ACAD9: variants seen among roughly 807,000 people sequenced by gnomAD.
ACAD9 encodes acyl-CoA dehydrogenase family member 9.
Under a neutral mutation model 70.2 loss-of-function variants are expected in ACAD9, and 53 were observed. The ratio of observed to expected loss-of-function variants is 0.75; its 90% confidence interval spans 0.61 to 0.95. The LOEUF (loss-of-function observed/expected upper bound fraction) is 0.95, where lower values mean the gene tolerates loss of function less well. ACAD9 is among the 40% of genes least tolerant of loss of function. The pLI, the probability that ACAD9 is intolerant of heterozygous loss-of-function variation, is 0.00. For missense variants in ACAD9, 777 were observed against 802.8 expected (o/e 0.97, Z 0.39); for synonymous variants, 313 against 312.1 (o/e 1.00, Z -0.03).
chr3:128,881,033 A>T (rs1299016866), intron 1 of ACAD9, among the ~76,000 whole-genome samples: 1 of 152,210 alleles, frequency 6.6e-6, no homozygotes, highest in African/African-American at 2.4e-5. Flanking sequence ...CCTGTATCAC[A>T]GAAGTTATTC....
intron 7 of ACAD9, among the ~76,000 whole-genome samples, chr3:128,900,473 C>G (rs933312654): frequency 6.6e-6 from 1 of 151,590 alleles, no homozygotes; most frequent in Non-Finnish European, 1.5e-5. Context: ...CTCCTGACCT[C>G]GTGATCCGCT....
Position 128,912,987 on chromosome 3 carries a change from C to T in ACAD9, c.*380C>T. On this transcript the variant is annotated 3_prime_UTR_variant, in exon 18 of 18. Coordinates refer to ENST00000308982, the MANE Select transcript of ACAD9 (RefSeq NM_014049.5). ...GGATAGCCATTTCTGCTCAACCACA[C>T]ATTCTCTAAGAAACAGCTTGAAAGC... is the stretch of plus-strand genomic sequence containing the variant. 1 of 467,408 alleles carries T rather than the reference C, an allele frequency of 2.1e-6. No homozygotes were observed. The highest frequency in any genetic ancestry group is 1.5e-5 in the South Asian group (1 of 64,790). The allele number at this position is 467,408 out of a possible 1,614,324, so 29.0% of individuals were successfully genotyped here. A position where few individuals can be genotyped will look rare whatever the true frequency, so the allele number is the denominator to read the frequency against.
chr3:128,899,183 G>T (rs1576340517), intron 6 of ACAD9, 104 bp from the exon 7 acceptor site: 1 of 1,239,116 alleles, frequency 8.1e-7, no homozygotes. Context: ...CTGCATGTCT[G>T]GCCTGAGGTC....
rs780988282 is a variant in ACAD9, at chr3:128,909,328, C to T, written c.1486-16C>T. 1.9e-6 allele frequency: 3 copies of T among 1,614,088 alleles called. No homozygotes were observed. The highest frequency in any genetic ancestry group is 2.5e-6 in the Non-Finnish European group (3 of 1,179,940). On this transcript the variant is annotated splice_polypyrimidine_tract_variant and intron_variant, in intron 14 of 17. Coordinates refer to ENST00000308982, the MANE Select transcript of ACAD9 (RefSeq NM_014049.5). ...TAGGGATGAGGTGCTGAACTGAGTC[C>T]TGTCTTGGTTAATAGGACAGTGCCA... is the stretch of plus-strand genomic sequence containing the variant.
At chr3:128,889,309 C>G (rs1265627967) in intron 2 of ACAD9, among the ~76,000 whole-genome samples, 1 of 152,094 alleles carries the variant, frequency 6.6e-6, no homozygotes, top group Non-Finnish European at 1.5e-5. Context: ...ACACCACGCC[C>G]GGCCTACTGT....
At position 128,903,989 on chromosome 3, in the gene ACAD9, T is replaced by G. The variant is rs1028295054; in HGVS notation, c.959-73T>G. 14 of 1,506,578 alleles carry G rather than the reference T, an allele frequency of 9.3e-6. No individual in the cohort carries two copies. The African/African-American group carries it at 1.7e-4, about 18-fold the overall frequency. The allele number at this position is 1,506,578 out of a possible 1,614,324, so 93.3% of individuals were successfully genotyped here. A position where few individuals can be genotyped will look rare whatever the true frequency, so the allele number is the denominator to read the frequency against. On this transcript the variant is annotated intron_variant, in intron 9 of 17. Transcript: ENST00000308982. ...TGCCCACCTGTGGGAAGGGTAAGGA[T>G]GATGGCCATAGGAAATCATGTTTGA... is the stretch of plus-strand genomic sequence containing the variant.
rs78910289 is a variant in ACAD9, at chr3:128,890,940, C to G, written c.245-2615C>G. ...CACTACAACCTCTGCCTCCCAGGTT[C>G]AAGCGATTCTCCTGCCTCAGCCTCC... On this transcript the variant is annotated intron_variant, in intron 2 of 17. Transcript: ENST00000308982. 5.3e-5 allele frequency among the ~76,000 whole-genome samples: 8 copies of G among 151,116 alleles called. No individual in the cohort carries two copies. The East Asian group carries it at 1.6e-3, about 30-fold the overall frequency.
At chr3:128,903,349 G>A (rs1405592663) in intron 9 of ACAD9, among the ~76,000 whole-genome samples, 1 of 152,188 alleles carries the variant, frequency 6.6e-6, no homozygotes, top group Admixed American at 6.5e-5. Flanking sequence ...TCCAGACTGT[G>A]CTCCTGGACC....
chr3:128,880,135 C>T, intron 1 of ACAD9: 1 of 901,660 alleles, frequency 1.1e-6, no homozygotes, highest in Non-Finnish European at 1.6e-6. Flanking sequence ...CAGCCTTCAT[C>T]TCAGCTGGTC....
At position 128,906,138 on chromosome 3, in the gene ACAD9, C is replaced by T. The variant is rs747622493; in HGVS notation, c.1167C>T (p.Ala389=). 1.4e-5 allele frequency: 22 copies of T among 1,614,078 alleles called. No homozygotes were observed. Among genetic ancestry groups the T allele is most frequent in the African/African-American group, 4.0e-5 (3 of 74,932 alleles). The change falls in exon 12 of 18, where the codon GCC becomes GCT. Residue 389 remains alanine, a synonymous_variant. Transcript: ENST00000308982. ...CCCCACAGGTGTTCAGCTCCGAGGC[C>T]GCCTGGCAGTGTGTGAGTGAGGCGC... is the stretch of plus-strand genomic sequence containing the variant. ...AAMVKVFSSE[A]AWQCVSEALQ...
intron 11 of ACAD9, among the ~76,000 whole-genome samples, chr3:128,905,542 C>T (rs1935862973): frequency 6.6e-6 from 1 of 152,164 alleles, no homozygotes; most frequent in South Asian, 2.1e-4. Context: ...CCTGAAGTGG[C>T]AAGGTCCCTA....
Position 128,899,315 on chromosome 3 carries a change from A to G in ACAD9, c.662A>G (p.Asn221Ser), listed in dbSNP as rs761452056. Reference sequence around the variant, plus strand: ...TGGATTACTAATGGAGGACTGGCCAATATTTTTACTGTGTTTGCAAAGACT... The same window carrying G: ...TGGATTACTAATGGAGGACTGGCCAGTATTTTTACTGTGTTTGCAAAGACT... ...KVWITNGGLA[N>S]IFTVFAKTEV... is the part of the protein sequence containing the mutation. The change falls in exon 7 of 18, where the codon AAT becomes AGT. Residue 221 changes from asparagine to serine, a missense_variant. Transcript: ENST00000308982. 9.4e-5 allele frequency: 151 copies of G among 1,614,120 alleles called. No individual in the cohort carries two copies. Among genetic ancestry groups the G allele is most frequent in the Middle Eastern group, 1.6e-4 (1 of 6,084 alleles).
intron 6 of ACAD9, among the ~76,000 whole-genome samples, chr3:128,898,088 C>T (rs1268309832): frequency 6.6e-6 from 1 of 152,182 alleles, no homozygotes; most frequent in Admixed American, 6.5e-5. Flanking sequence ...AACTCCTGAC[C>T]TCAAGTGATC....
rs140003158 is a variant in ACAD9 at position 128,891,332 on chromosome 3, A to G, written c.245-2223A>G. The stretch of plus-strand genomic sequence containing the variant: ...TATTCTCACTTTTGTATGTCTAGAA[A>G]AGTTTCAGCCAGGCATGGTGGCTCA... On this transcript the variant is annotated intron_variant, in intron 2 of 17. Coordinates refer to ENST00000308982, the MANE Select transcript of ACAD9 (RefSeq NM_014049.5). Among the ~76,000 whole-genome samples, 586 of 152,124 alleles carry G rather than the reference A, an allele frequency of 3.9e-3. 1 individual carries two copies. The highest frequency in any genetic ancestry group is 0.013 in the African/African-American group (555 of 41,510).
At chr3:128,887,889 C>A (rs947742966) in intron 2 of ACAD9, among the ~76,000 whole-genome samples, 1 of 152,012 alleles carries the variant, frequency 6.6e-6, no homozygotes, top group Non-Finnish European at 1.5e-5. Context: ...GACAAAGGGC[C>A]CTCTGGAATG....
chr3:128,879,636 T>G lies in ACAD9; in HGVS notation c.-56T>G, dbSNP rs534600057. 6.4e-7 allele frequency: 1 copy of G among 1,573,370 alleles called. No individual in the cohort carries two copies. The highest frequency in any genetic ancestry group is 2.3e-5 in the East Asian group (1 of 44,276). ...AGTAACGTCATCAGACGTGTGTGTG[T>G]CCCTGCGGCGCTAAGAAGGGGAGAC... On this transcript the variant is annotated 5_prime_UTR_variant, in exon 1 of 18. Coordinates refer to ENST00000308982, the MANE Select transcript of ACAD9 (RefSeq NM_014049.5).
Position 128,912,765 on chromosome 3 carries a change from C to T in ACAD9, c.*158C>T, listed in dbSNP as rs1157066530. On this transcript the variant is annotated 3_prime_UTR_variant, in exon 18 of 18. Coordinates refer to ENST00000308982, the MANE Select transcript of ACAD9 (RefSeq NM_014049.5). Reference sequence around the variant, plus strand: ...GTTGTCGCCTGGCCTGGGAGAGCCTCTTCCAGGTTTTGACCTGCAGGCAGT... The same window carrying T: ...GTTGTCGCCTGGCCTGGGAGAGCCTTTTCCAGGTTTTGACCTGCAGGCAGT... 1.3e-6 allele frequency: 1 copy of T among 776,730 alleles called. No individual in the cohort carries two copies. Among genetic ancestry groups the T allele is most frequent in the Non-Finnish European group, 2.3e-6 (1 of 433,050 alleles). 48.1% of individuals were successfully genotyped at this position (776,730 alleles called of 1,614,324 possible).
chr3:128,882,739 C>G (rs1053107720), intron 1 of ACAD9, among the ~76,000 whole-genome samples: 5 of 152,240 alleles, frequency 3.3e-5, no homozygotes, highest in Non-Finnish European at 5.9e-5. Context: ...GGTTTCTGCA[C>G]TAGATTTCTT....
Position 128,896,419 on chromosome 3 carries a change from G to A in ACAD9, c.454-17G>A, listed in dbSNP as rs762359846. The A allele has an allele frequency of 1.2e-6, 2 of 1,612,390 alleles. No individual in the cohort carries two copies. The highest frequency in any genetic ancestry group is 1.7e-6 in the Non-Finnish European group (2 of 1,178,422). ...TTCTCCCCACAGCTGACATTAGTCT[G>A]TGTCTGTTTTGTTTAGGGGATCATC... On this transcript the variant is annotated splice_polypyrimidine_tract_variant and intron_variant, in intron 4 of 17. Transcript: ENST00000308982.
Sources: allele counts gnomAD v4.1 joint callset (sites outside exome capture counted in the v4.1 genomes callset), GRCh38; gene constraint gnomAD v4.1.1; transcripts MANE v1.5; gene names NCBI Gene and HGNC (gene_info 2026-07-23, HGNC 2026-07-21).